The following MARK4 variants were observed in gnomAD, a reference collection of about 807,000 sequenced individuals.
The protein encoded by MARK4 is MAP/microtubule affinity-regulating kinase 4.
MARK4 carries 19 observed loss-of-function variants against 81.5 expected under a neutral mutation model. That is an observed-to-expected ratio of 0.23 (90% CI 0.16 to 0.34). The LOEUF is 0.34. Ranked by LOEUF, MARK4 falls within the 10% of genes least tolerant of loss-of-function variation. The pLI, the probability that MARK4 is intolerant of heterozygous loss-of-function variation, is 1.00. For missense variants in MARK4, 772 were observed against 1,058.8 expected (o/e 0.73, Z 3.76); for synonymous variants, 436 against 439.0 (o/e 0.99, Z 0.08).
At chr19:45,263,945 G>A (rs1293759592) in intron 4 of MARK4, among the ~76,000 whole-genome samples, 1 of 151,914 alleles carries the variant, frequency 6.6e-6, no homozygotes, top group African/African-American at 2.4e-5. Flanking sequence ...TGAGCTATGG[G>A]ACTTGGTCCA....
At chr19:45,293,046 TC>T (rs1970839434) in intron 13 of MARK4, among the ~76,000 whole-genome samples, 1 of 152,132 alleles carries the variant, frequency 6.6e-6, no homozygotes, top group Non-Finnish European at 1.5e-5. Flanking sequence ...GGCGGGTGGA[TC>T]ACTTGAGGTC....
At chr19:45,299,108 T>G (rs1394628392) in intron 15 of MARK4, among the ~76,000 whole-genome samples, 2 of 109,940 alleles carry the variant, frequency 1.8e-5, no homozygotes, top group African/African-American at 3.6e-5. Context: ...GGGAGGGGAA[T>G]AAGGGGTGTG....
At chr19:45,298,025 T>C (rs1192036468) in intron 15 of MARK4, 71 bp downstream of exon 15, 10 of 1,550,030 alleles carry the variant, frequency 6.5e-6, no homozygotes, top group Non-Finnish European at 8.7e-6. Flanking sequence ...TCTTCCACTC[T>C]GCTCTGTCTC....
intron 2 of MARK4, among the ~76,000 whole-genome samples, chr19:45,261,416 G>A (rs182461002): frequency 5.9e-5 from 9 of 152,286 alleles, no homozygotes; most frequent in Admixed American, 1.3e-4. Context: ...ATTTATTCAT[G>A]TACTTCACCA....
chr19:45,278,269 A>G (rs1970627411), intron 9 of MARK4, among the ~76,000 whole-genome samples: 2 of 152,082 alleles, frequency 1.3e-5, no homozygotes, highest in Admixed American at 1.3e-4. Context: ...CTTGCCAGTA[A>G]TTAGCTAATG....
At chr19:45,284,515 G>C (rs1053809869) in intron 12 of MARK4, among the ~76,000 whole-genome samples, 1 of 151,766 alleles carries the variant, frequency 6.6e-6, no homozygotes, top group Non-Finnish European at 1.5e-5. Context: ...GTAGAGATGG[G>C]GTTTCACTGT....
At chr19:45,296,689 G>C (rs1970891927) in intron 14 of MARK4, among the ~76,000 whole-genome samples, 1 of 152,208 alleles carries the variant, frequency 6.6e-6, no homozygotes, top group Non-Finnish European at 1.5e-5. Flanking sequence ...AGAAGTAACA[G>C]CCTCTGCCAC....
chr19:45,299,941 GC>G, intron 16 of MARK4, 86 bp downstream of exon 16: 1 of 1,349,760 alleles, frequency 7.4e-7, no homozygotes, highest in South Asian at 1.6e-5. Context: ...ATTAGATGGG[GC>G]CCCAGTCTCA....
chr19:45,281,705 C>G (rs1970676881), intron 12 of MARK4, among the ~76,000 whole-genome samples: 1 of 152,140 alleles, frequency 6.6e-6, no homozygotes, highest in African/African-American at 2.4e-5. Context: ...GCTGGAATCT[C>G]TGGTCCAGGA....
intron 12 of MARK4, among the ~76,000 whole-genome samples, chr19:45,281,528 T>C (rs1970674768): frequency 6.6e-6 from 1 of 151,758 alleles, no homozygotes; most frequent in Non-Finnish European, 1.5e-5. Flanking sequence ...ACCTGGCTAA[T>C]TTTTGTATTT....
chr19:45,272,049 TG>T (rs35239932), intron 8 of MARK4, among the ~76,000 whole-genome samples: 31,540 of 152,104 alleles, frequency 0.21, 3,840 homozygotes, highest in Non-Finnish European at 0.29. Context: ...AACTCCTGCT[TG>T]GCCGGGTGCG....
At position 45,302,249 on chromosome 19, in the gene MARK4, A is replaced by G; in HGVS notation, c.1923-125A>G. On this transcript the variant is annotated intron_variant, in intron 16 of 16. Transcript: ENST00000262891. The surrounding 1 kb of genome is among the most constrained non-coding windows in gnomAD (Gnocchi z 4.9). Reference sequence around the variant, plus strand: ...CAGTTGAAACTGTCGCTGGGGTAACAGGGGAAGATGTTTTTTGAGGGGATG... The same window carrying G: ...CAGTTGAAACTGTCGCTGGGGTAACGGGGGAAGATGTTTTTTGAGGGGATG... The G allele has an allele frequency of 3.9e-6, 6 of 1,549,910 alleles. No homozygotes were observed. The highest frequency in any genetic ancestry group is 5.2e-6 in the Non-Finnish European group (6 of 1,148,092).
At chr19:45,294,015 G>C (rs1038111726) in intron 13 of MARK4, among the ~76,000 whole-genome samples, 9 of 152,168 alleles carry the variant, frequency 5.9e-5, no homozygotes, top group African/African-American at 1.7e-4. Flanking sequence ...ATTAGCAAAC[G>C]TTTGGTGTGG....
At chr19:45,296,306 C>A (rs577205935) in intron 14 of MARK4, among the ~76,000 whole-genome samples, 37 of 152,212 alleles carry the variant, frequency 2.4e-4, no homozygotes, top group African/African-American at 8.4e-4. Flanking sequence ...AAAGAGATCC[C>A]AGGGTAGAGT....
At chr19:45,297,649 C>A in intron 14 of MARK4, 27 bp from the exon 15 acceptor site, 1 of 1,485,916 alleles carries the variant, frequency 6.7e-7, no homozygotes, top group Non-Finnish European at 9.0e-7. Flanking sequence ...CAGTCCCCCA[C>A]CCTGACTTGT....
chr19:45,251,952 C>T (rs1448535971), intron 1 of MARK4, among the ~76,000 whole-genome samples: 2 of 151,970 alleles, frequency 1.3e-5, no homozygotes, highest in East Asian at 1.9e-4. Flanking sequence ...CTTGCCTGTG[C>T]TAAGCCGTTT....
intron 12 of MARK4, 145 bp downstream of exon 12, chr19:45,280,879 G>A: frequency 1.7e-6 from 2 of 1,195,192 alleles, no homozygotes; most frequent in Non-Finnish European, 2.4e-6. Flanking sequence ...AAAGACACAG[G>A]GCATTGCATG....
Position 45,282,723 on chromosome 19 carries a change from G to A in MARK4, c.1276+1989G>A, listed in dbSNP as rs144511894. Among the ~76,000 whole-genome samples the A allele has an allele frequency of 4.6e-3, 704 of 152,212 alleles. 8 individuals are homozygous for A. Among genetic ancestry groups the A allele is most frequent in the African/African-American group, 0.015 (632 of 41,536 alleles). On this transcript the variant is annotated intron_variant, in intron 12 of 16. Coordinates refer to ENST00000262891, the MANE Select transcript of MARK4 (RefSeq NM_001199867.2). ...ACCTGTAATCCCAGCTACTCGGGAG[G>A]CTGAGGCAGAGAATTGCTTGAACCT...
intron 1 of MARK4, among the ~76,000 whole-genome samples, chr19:45,256,767 A>G (rs1167535299): frequency 6.6e-6 from 1 of 152,198 alleles, no homozygotes; most frequent in African/African-American, 2.4e-5. Flanking sequence ...TGAGCTTCAC[A>G]GATACAGTGT....
Sources: allele counts gnomAD v4.1 joint callset (sites outside exome capture counted in the v4.1 genomes callset), GRCh38; gene constraint gnomAD v4.1.1; non-coding constraint Gnocchi (gnomAD v3.1); transcripts MANE v1.5; gene names NCBI Gene and HGNC (gene_info 2026-07-23, HGNC 2026-07-21).